DMD: variants seen among roughly 807,000 people sequenced by gnomAD.
DMD encodes the protein dystrophin.
In DMD, 63 loss-of-function variants were observed where a neutral mutation model predicts 330.1. That is an observed-to-expected ratio of 0.19 (90% CI 0.16 to 0.24). The LOEUF (loss-of-function observed/expected upper bound fraction) is 0.24, where lower values mean the gene tolerates loss of function less well. DMD is among the 10% of genes least tolerant of loss of function. The pLI, the probability that DMD is intolerant of heterozygous loss-of-function variation, is 1.00. For missense variants in DMD, 3,344 were observed against 2,684.1 expected, an observed-to-expected ratio of 1.25 and a Z score of -5.43; for synonymous variants, 1,223 against 959.8, an observed-to-expected ratio of 1.27 and a Z score of -5.07.
intron 1 of DMD, among the ~76,000 whole-genome samples, chrX:33,222,534 T>C (rs1244777824): frequency 8.9e-6 from 1 of 112,358 alleles, no homozygotes; most frequent in Non-Finnish European, 1.9e-5. Context: ...TGCTACAAGT[T>C]CTAGCCAGTG....
intron 44 of DMD, among the ~76,000 whole-genome samples, chrX:32,106,850 G>A (rs1485621530): frequency 8.9e-6 from 1 of 111,902 alleles, no homozygotes; most frequent in Non-Finnish European, 1.9e-5. Context: ...CCATGAGGCA[G>A]AGGGAAATGT....
In DMD at chrX:31,571,098, ATACTT is replaced by A. The variant is rs1369208514; in HGVS notation, c.8217+56570_8217+56574del. The stretch of plus-strand genomic sequence containing the variant: ...TGTATTATCCTTTATGAAAAAATCA[ATACTT>A]TAATAGACTTTCTTAGGAAACTATT... On this transcript the variant is annotated intron_variant, in intron 55 of 78. Transcript: ENST00000357033. 2.7e-5 allele frequency among the ~76,000 whole-genome samples: 3 copies of A among 111,770 alleles called. No homozygotes were observed. In the East Asian group the frequency reaches 8.4e-4, roughly 31 times the overall value.
At chrX:33,114,238 T>C (rs1480635895) in intron 1 of DMD, among the ~76,000 whole-genome samples, 1 of 107,533 alleles carries the variant, frequency 9.3e-6, no homozygotes, top group East Asian at 2.9e-4. Flanking sequence ...GCCTCCCGAG[T>C]AGCTGAGATT....
intron 1 of DMD, among the ~76,000 whole-genome samples, chrX:33,118,194 TC>T (rs2148471840): frequency 9.7e-6 from 1 of 102,749 alleles, no homozygotes; most frequent in Non-Finnish European, 2.0e-5. Flanking sequence ...CACTGCAAGC[TC>T]CGCCTCCCGG....
At chrX:32,930,156 T>C (rs983928929) in intron 2 of DMD, among the ~76,000 whole-genome samples, 1 of 111,286 alleles carries the variant, frequency 9.0e-6, no homozygotes, top group Non-Finnish European at 1.9e-5. Flanking sequence ...ACAAAGCCTA[T>C]TTTATAATAA....
At chrX:31,153,804 G>T (rs759619541) in intron 74 of DMD, among the ~76,000 whole-genome samples, 1 of 112,184 alleles carries the variant, frequency 8.9e-6, no homozygotes, top group East Asian at 2.8e-4. Context: ...ACTTGATTTT[G>T]AGGGACTAGT....
chrX:31,934,390 T>G (rs2094897637), intron 45 of DMD, among the ~76,000 whole-genome samples: 1 of 112,195 alleles, frequency 8.9e-6, no homozygotes, highest in African/African-American at 3.2e-5. Flanking sequence ...CACGTAAAGT[T>G]ACATTCTCCC....
intron 25 of DMD, among the ~76,000 whole-genome samples, chrX:32,461,567 C>A (rs752728785): frequency 2.7e-5 from 3 of 110,469 alleles, no homozygotes; most frequent in Non-Finnish European, 5.7e-5. Context: ...AGGTCTTAAG[C>A]AAAGACATTT....
intron 1 of DMD, among the ~76,000 whole-genome samples, chrX:33,083,777 C>A (rs1217795276): frequency 9.0e-6 from 1 of 111,573 alleles, no homozygotes; most frequent in African/African-American, 3.3e-5. Flanking sequence ...AGAGAAGTCT[C>A]CCAAACCAGT....
chrX:32,297,541 G>A (rs75070407), intron 42 of DMD, among the ~76,000 whole-genome samples: 2 of 111,457 alleles, frequency 1.8e-5, no homozygotes, highest in South Asian at 7.5e-4. Context: ...CAAAGTGCTG[G>A]GATTACAGGC....
At chrX:31,797,407 G>A (rs2091880306) in intron 50 of DMD, among the ~76,000 whole-genome samples, 1 of 111,351 alleles carries the variant, frequency 9.0e-6, no homozygotes, top group Admixed American at 9.5e-5. Context: ...CCTTGGGTAA[G>A]ACTATTTAAA....
chrX:33,026,313 C>CAAAAAAAAAAAAAAAAA lies in DMD; in HGVS notation c.32-6130_32-6114dup, dbSNP rs56794668. ...CTGGGGGACAGAGGAGACTCCGTCT[C>CAAAAAAAAAAAAAAAAA]AAAAAAAAAAAAAAAAAAAAAAAAA... On this transcript the variant is annotated intron_variant, in intron 1 of 78. Transcript: ENST00000357033. 9.1e-4 allele frequency among the ~76,000 whole-genome samples: 30 copies of CAAAAAAAAAAAAAAAAA among 32,787 alleles called. 1 individual carries two copies. Among genetic ancestry groups the CAAAAAAAAAAAAAAAAA allele is most frequent in the African/African-American group, 1.1e-3 (9 of 8,214 alleles). 28.5% of individuals were successfully genotyped at this position (32,787 alleles called of 115,157 possible). A position where few individuals can be genotyped will look rare whatever the true frequency, so the allele number is the denominator to read the frequency against.
chrX:32,795,005 G>C lies in DMD; in HGVS notation c.649+14488C>G, dbSNP rs980830285. Among the ~76,000 whole-genome samples, 5 of 112,201 alleles carry C rather than the reference G, an allele frequency of 4.5e-5. No homozygotes were observed. The Admixed American group carries it at 4.7e-4, about 11-fold the overall frequency. ...CAGAACACTGACAAAACAAATTGAA[G>C]AGTACACCAACAAATGGAAAGTCAT... On this transcript the variant is annotated intron_variant, in intron 7 of 78. Coordinates refer to ENST00000357033, the MANE Select transcript of DMD (RefSeq NM_004006.3).
intron 20 of DMD, among the ~76,000 whole-genome samples, chrX:32,490,835 A>G (rs1338317319): frequency 8.9e-6 from 1 of 112,068 alleles, no homozygotes; most frequent in Non-Finnish European, 1.9e-5. Flanking sequence ...TGAGAGGTCC[A>G]TCAGTTTTAA....
At chrX:32,040,385 C>T (rs1475590491) in intron 44 of DMD, among the ~76,000 whole-genome samples, 1 of 112,130 alleles carries the variant, frequency 8.9e-6, no homozygotes, top group African/African-American at 3.2e-5. Context: ...CTATTTGGTT[C>T]ACTGGCCCTT....
chrX:31,927,214 A>C (rs2094791236), intron 47 of DMD, among the ~76,000 whole-genome samples: 1 of 112,193 alleles, frequency 8.9e-6, no homozygotes, highest in Admixed American at 9.5e-5. Context: ...ATTGCATTAA[A>C]ATTATAATTT....
intron 44 of DMD, among the ~76,000 whole-genome samples, chrX:32,129,155 T>G (rs953146418): frequency 1.8e-5 from 2 of 111,867 alleles, no homozygotes; most frequent in African/African-American, 6.5e-5. Flanking sequence ...CAGCTAAAAT[T>G]TTGTTACTTC....
intron 42 of DMD, among the ~76,000 whole-genome samples, chrX:32,302,693 A>T (rs1422957438): frequency 9.0e-6 from 1 of 111,189 alleles, no homozygotes; most frequent in Non-Finnish European, 1.9e-5. Flanking sequence ...TAACTTTCTT[A>T]GAATTTGGGA....
intron 44 of DMD, among the ~76,000 whole-genome samples, chrX:32,044,888 T>C (rs1282125871): frequency 8.9e-6 from 1 of 112,116 alleles, no homozygotes. Flanking sequence ...ATGTTTCGAA[T>C]GCAGGCATGT....
Sources: gnomAD v4.1 joint callset for allele counts (sites outside exome capture counted in the v4.1 genomes callset) on GRCh38, gnomAD v4.1.1 for gene constraint, MANE v1.5 for transcripts, NCBI Gene and HGNC (gene_info 2026-07-23, HGNC 2026-07-21) for gene names.